ZMIZ1: variants seen among roughly 807,000 people sequenced by gnomAD.
ZMIZ1 encodes zinc finger MIZ-type containing 1, also known as zinc finger MIZ domain-containing protein 1.
In ZMIZ1, 17 loss-of-function variants were observed where a neutral mutation model predicts 113.9. The ratio of observed to expected loss-of-function variants is 0.15; its 90% CI spans 0.10 to 0.22. The LOEUF (loss-of-function observed/expected upper bound fraction) is 0.22. ZMIZ1 is among the 10% of genes least tolerant of loss of function. ZMIZ1 has a pLI of 1.00. For missense variants in ZMIZ1, 1,059 were observed against 1,477.8 expected, an observed-to-expected ratio of 0.72 and a Z score of 4.65; for synonymous variants, 607 against 603.1, an observed-to-expected ratio of 1.01 and a Z score of -0.09.
At chr10:79,236,593 C>T (rs1415516482) in intron 7 of ZMIZ1, among the ~76,000 whole-genome samples, 4 of 152,288 alleles carry the variant, frequency 2.6e-5, no homozygotes, top group Non-Finnish European at 5.9e-5. Flanking sequence ...CCACCACCTC[C>T]AGCAGCCCCT....
intron 6 of ZMIZ1, among the ~76,000 whole-genome samples, chr10:79,212,159 AT>A (rs1170522664): frequency 6.7e-6 from 1 of 149,534 alleles, no homozygotes; most frequent in Non-Finnish European, 1.5e-5. Flanking sequence ...TTTTTTTTTA[AT>A]TTTTTTTAAA....
At chr10:79,300,987 G>A (rs756881506) in intron 17 of ZMIZ1, 45 bp downstream of exon 17, 1 of 1,598,282 alleles carries the variant, frequency 6.3e-7, no homozygotes, top group South Asian at 1.1e-5. Context: ...GGCAGGCCCT[G>A]TTTCACGGCA....
At chr10:79,203,137 G>A (rs1396107851) in intron 5 of ZMIZ1, among the ~76,000 whole-genome samples, 1 of 152,136 alleles carries the variant, frequency 6.6e-6, no homozygotes, top group Non-Finnish European at 1.5e-5. Flanking sequence ...CTTCCGCCAG[G>A]CAGAACTCAC....
At chr10:79,083,367 T>C (rs1312038921) in intron 1 of ZMIZ1, among the ~76,000 whole-genome samples, 1 of 152,112 alleles carries the variant, frequency 6.6e-6, no homozygotes, top group Non-Finnish European at 1.5e-5. Flanking sequence ...GATGCTTGTT[T>C]GGCGTGGTCT....
intron 1 of ZMIZ1, among the ~76,000 whole-genome samples, chr10:79,077,836 A>G (rs919498484): frequency 1.3e-5 from 2 of 152,260 alleles, no homozygotes; most frequent in Non-Finnish European, 2.9e-5. Context: ...CCTGGCACAT[A>G]GTAAGTGCTC....
intron 8 of ZMIZ1, among the ~76,000 whole-genome samples, chr10:79,289,122 G>C (rs1032432000): frequency 2.6e-5 from 4 of 152,146 alleles, no homozygotes; most frequent in African/African-American, 9.7e-5. Flanking sequence ...ATTGTGCCAG[G>C]CATCTTAGGT....
intron 1 of ZMIZ1, among the ~76,000 whole-genome samples, chr10:79,102,068 A>G (rs575663395): frequency 7.2e-5 from 11 of 152,190 alleles, no homozygotes; most frequent in Non-Finnish European, 1.3e-4. Flanking sequence ...GCTCTCAAGG[A>G]GGAAGAGCTG....
At chr10:79,114,747 C>T (rs781247006) in intron 1 of ZMIZ1, among the ~76,000 whole-genome samples, 14 of 152,144 alleles carry the variant, frequency 9.2e-5, no homozygotes, top group African/African-American at 2.2e-4. Context: ...AGTATCACCA[C>T]GGGCTGAGAA....
chr10:79,220,506 G>T (rs1848920990), intron 7 of ZMIZ1, among the ~76,000 whole-genome samples: 1 of 152,208 alleles, frequency 6.6e-6, no homozygotes, highest in Non-Finnish European at 1.5e-5. Flanking sequence ...TGCAGTTCCA[G>T]AGCTCGCTCC....
At chr10:79,211,789 G>C (rs1021036637) in intron 6 of ZMIZ1, among the ~76,000 whole-genome samples, 1 of 152,210 alleles carries the variant, frequency 6.6e-6, no homozygotes, top group Non-Finnish European at 1.5e-5. Flanking sequence ...TCCTCCTCCA[G>C]TAGTCGGGCA....
intron 2 of ZMIZ1, among the ~76,000 whole-genome samples, chr10:79,131,698 A>C: frequency 6.7e-6 from 1 of 150,234 alleles, no homozygotes; most frequent in South Asian, 2.1e-4. Context: ...CCTCCACCCC[A>C]CACTCTGCTG....
intron 2 of ZMIZ1, among the ~76,000 whole-genome samples, chr10:79,134,360 A>G (rs964450441): frequency 2.6e-5 from 4 of 152,216 alleles, no homozygotes; most frequent in Admixed American, 1.3e-4. Flanking sequence ...CTGCTATTCT[A>G]GACTGGACTC....
At chr10:79,289,318 G>A (rs1044990790) in intron 8 of ZMIZ1, among the ~76,000 whole-genome samples, 9 of 152,090 alleles carry the variant, frequency 5.9e-5, no homozygotes, top group Admixed American at 5.9e-4. Flanking sequence ...GTAGAGGGAA[G>A]GGCTGACACC....
intron 8 of ZMIZ1, among the ~76,000 whole-genome samples, chr10:79,279,603 C>T (rs1019158097): frequency 9.9e-5 from 15 of 152,206 alleles, no homozygotes; most frequent in Non-Finnish European, 1.9e-4. Context: ...TTTGGGAGGC[C>T]AAGGCAGGCA....
In ZMIZ1 at chr10:79,307,558, C is replaced by T. The variant is rs1466052390; in HGVS notation, c.2822C>T (p.Pro941Leu). 6.8e-6 allele frequency: 11 copies of T among 1,612,290 alleles called. No homozygotes were observed. The highest frequency in any genetic ancestry group is 9.3e-6 in the Non-Finnish European group (11 of 1,179,354). Reference protein sequence around the residue: ...MAALEKPLSHPMQETMPHAGS... With the variant: ...MAALEKPLSHLMQETMPHAGS... The stretch of plus-strand genomic sequence containing the variant: ...GCCCTCGAGAAACCCCTCAGCCACC[C>T]CATGCAGGAAACTGTGAGTACCTCC... Residue 941 changes from proline (P) to leucine (L), a missense_variant, in exon 23 of 25, where the codon CCC (proline) becomes CTC (leucine). This residue lies in a region of ZMIZ1 where 225 missense variants were observed against 276.0 expected (regional missense o/e 0.82). Transcript: ENST00000334512.
intron 8 of ZMIZ1, among the ~76,000 whole-genome samples, chr10:79,280,579 CA>C (rs1379749754): frequency 7.2e-6 from 1 of 138,058 alleles, no homozygotes; most frequent in Non-Finnish European, 1.6e-5. Context: ...CTGTCTGACA[CA>C]GGGGTAATTT....
chr10:79,189,360 C>T (rs1847500248), intron 4 of ZMIZ1, among the ~76,000 whole-genome samples: 1 of 152,168 alleles, frequency 6.6e-6, no homozygotes, highest in Non-Finnish European at 1.5e-5. Flanking sequence ...GTCTCTGGCT[C>T]CAGCTTCCTT....
chr10:79,075,573 A>ACCTG (rs560761885), intron 1 of ZMIZ1, among the ~76,000 whole-genome samples: 2,202 of 142,898 alleles, frequency 0.015, 26 homozygotes, highest in African/African-American at 0.024. Flanking sequence ...ACACATGCAC[A>ACCTG]CACATGCACA....
chr10:79,100,016 G>A (rs1339408132), intron 1 of ZMIZ1, among the ~76,000 whole-genome samples: 1 of 152,090 alleles, frequency 6.6e-6, no homozygotes, highest in African/African-American at 2.4e-5. Context: ...CTGACCTGGG[G>A]TGTAATGGAC....
Sources: allele counts gnomAD v4.1 joint callset (sites outside exome capture counted in the v4.1 genomes callset), GRCh38; gene constraint gnomAD v4.1.1; regional missense constraint gnomAD v4.1.1; transcripts MANE v1.5; gene names NCBI Gene and HGNC (gene_info 2026-07-23, HGNC 2026-07-21).